Variants in TNFRSF8 observed in about 807,000 individuals in gnomAD.
TNFRSF8 encodes the protein tumor necrosis factor receptor superfamily member 8.
TNFRSF8 carries 26 observed loss-of-function variants against 70.8 expected under a neutral mutation model. The observed-to-expected ratio is 0.37, with a 90% CI of 0.27 to 0.51. The LOEUF (loss-of-function observed/expected upper bound fraction) is 0.51, where lower values mean the gene tolerates loss of function less well. TNFRSF8 is among the 20% of genes least tolerant of loss of function. The pLI is 0.94. For missense variants in TNFRSF8, 720 were observed against 807.9 expected (o/e 0.89, Z 1.32); for synonymous variants, 356 against 339.2 (o/e 1.05, Z -0.54).
At chr1:12,098,564 G>GATA in intron 3 of TNFRSF8, among the ~76,000 whole-genome samples, 1 of 152,108 alleles carries the variant, frequency 6.6e-6, no homozygotes, top group East Asian at 1.9e-4. Flanking sequence ...GCATTAAAAT[G>GATA]ATAATATTTA....
intron 12 of TNFRSF8, among the ~76,000 whole-genome samples, chr1:12,135,129 C>T (rs893526129): frequency 4.0e-5 from 6 of 151,834 alleles, no homozygotes; most frequent in South Asian, 4.2e-4. Flanking sequence ...GCCTGGCCAA[C>T]GTGGTGAAAC....
intron 1 of TNFRSF8, among the ~76,000 whole-genome samples, chr1:12,064,045 T>G (rs1027067890): frequency 6.6e-6 from 1 of 152,106 alleles, no homozygotes; most frequent in Non-Finnish European, 1.5e-5. Context: ...CCCTTAGCCA[T>G]GGGAGGTTGG....
chr1:12,132,709 G>A (rs937284992), intron 12 of TNFRSF8, among the ~76,000 whole-genome samples: 4 of 151,814 alleles, frequency 2.6e-5, no homozygotes, highest in Admixed American at 1.3e-4. Flanking sequence ...GTCATGACAC[G>A]CACCTGTAGT....
Position 12,142,367 on chromosome 1 carries a change from G to A in TNFRSF8, c.1624G>A (p.Gly542Arg). ...GCTGCCGGAGGGCCGGGGCCTGGCG[G>A]GGCCAGCAGAGCCCGAGTTGGAGGA... ...AELPEGRGLA[G>R]PAEPELEEEL... The change falls in exon 15 of 15, where the codon GGG becomes AGG. Residue 542 changes from glycine (G) to arginine (R), a missense_variant. Transcript: ENST00000263932. This position sits in a 1 kb window ranked among gnomAD's most constrained non-coding sequence, Gnocchi z 5.0. 6.2e-7 allele frequency: 1 copy of A among 1,610,438 alleles called. No individual in the cohort carries two copies. Among genetic ancestry groups the A allele is most frequent in the Non-Finnish European group, 8.5e-7 (1 of 1,178,730 alleles).
chr1:12,133,505 G>A (rs539084869), intron 12 of TNFRSF8, among the ~76,000 whole-genome samples: 9 of 152,112 alleles, frequency 5.9e-5, no homozygotes, highest in Middle Eastern at 6.8e-3. Context: ...ACTTTGGGAG[G>A]CCGAGGCGGG....
At chr1:12,133,609 G>A (rs1329149018) in intron 12 of TNFRSF8, among the ~76,000 whole-genome samples, 1 of 151,330 alleles carries the variant, frequency 6.6e-6, no homozygotes, top group Admixed American at 6.6e-5. Context: ...GCATGGTGGT[G>A]CGTGCCTGTA....
rs900604143 is a variant in TNFRSF8 at position 12,079,047 on chromosome 1, C to T, written c.64-5417C>T. Among the ~76,000 whole-genome samples the T allele has an allele frequency of 1.1e-4, 16 of 152,306 alleles. No individual in the cohort carries two copies. In the East Asian group the frequency reaches 3.1e-3, roughly 29 times the overall value. ...AGACAGGGAGGGGAGGGGTGCTTAC[C>T]TCGCTGGCCCTGCTCAGCTCTGGCC... On this transcript the variant is annotated intron_variant, in intron 1 of 14. Coordinates refer to ENST00000263932, the MANE Select transcript of TNFRSF8 (RefSeq NM_001243.5).
intron 14 of TNFRSF8, among the ~76,000 whole-genome samples, chr1:12,139,055 T>C (rs1294851448): frequency 6.6e-6 from 1 of 152,248 alleles, no homozygotes; most frequent in Non-Finnish European, 1.5e-5. Context: ...GCTGCCAGCC[T>C]GGACAGACAT....
At chr1:12,091,587 C>T (rs1641248773) in intron 2 of TNFRSF8, among the ~76,000 whole-genome samples, 1 of 152,088 alleles carries the variant, frequency 6.6e-6, no homozygotes, top group Non-Finnish European at 1.5e-5. Flanking sequence ...AGGAAAGTTC[C>T]ATGAGAAGAT....
In TNFRSF8 at chr1:12,107,943, G is replaced by A. The variant is rs538531064; in HGVS notation, c.422-1623G>A. ...CGGAGATGGGAGGTAAATTGCCCGC[G>A]GAGACAGAGCAGGAAATGTCTAAGC... is the stretch of plus-strand genomic sequence containing the variant. On this transcript the variant is annotated intron_variant, in intron 4 of 14. Coordinates refer to ENST00000263932, the MANE Select transcript of TNFRSF8 (RefSeq NM_001243.5). Among the ~76,000 whole-genome samples the A allele has an allele frequency of 9.9e-5, 15 of 152,122 alleles. No individual in the cohort carries two copies. In the South Asian group the frequency reaches 1.9e-3, roughly 19 times the overall value.
chr1:12,124,298 T>C (rs1173327547), intron 10 of TNFRSF8, among the ~76,000 whole-genome samples: 1 of 152,134 alleles, frequency 6.6e-6, no homozygotes, highest in East Asian at 1.9e-4. Flanking sequence ...TGTGAACCAC[T>C]GCGCCTGGCT....
At chr1:12,120,844 A>G (rs1233763736) in intron 8 of TNFRSF8, among the ~76,000 whole-genome samples, 1 of 152,134 alleles carries the variant, frequency 6.6e-6, no homozygotes, top group Admixed American at 6.6e-5. Flanking sequence ...GGAAAGTTAC[A>G]AGTTAGGTAT....
At chr1:12,083,366 A>T (rs991845551) in intron 1 of TNFRSF8, among the ~76,000 whole-genome samples, 2 of 152,190 alleles carry the variant, frequency 1.3e-5, no homozygotes, top group Non-Finnish European at 2.9e-5. Context: ...TCCCAGCAGC[A>T]CTATCATAAT....
chr1:12,126,583 C>T (rs950880690), intron 12 of TNFRSF8, among the ~76,000 whole-genome samples: 1 of 152,196 alleles, frequency 6.6e-6, no homozygotes, highest in African/African-American at 2.4e-5. Context: ...TTCCTCTCTA[C>T]ATTCTACCCT....
At chr1:12,069,628 G>A (rs1640808240) in intron 1 of TNFRSF8, among the ~76,000 whole-genome samples, 1 of 152,178 alleles carries the variant, frequency 6.6e-6, no homozygotes, top group African/African-American at 2.4e-5. Flanking sequence ...TGAGCTCAAG[G>A]CTCCTCATCT....
chr1:12,116,968 C>T (rs1390441492), intron 8 of TNFRSF8, among the ~76,000 whole-genome samples: 3 of 152,002 alleles, frequency 2.0e-5, no homozygotes, highest in Admixed American at 1.3e-4. Context: ...GGTGTAGTGG[C>T]CTGGGACTAC....
chr1:12,089,143 C>T (rs1641203860), intron 2 of TNFRSF8, among the ~76,000 whole-genome samples: 1 of 152,096 alleles, frequency 6.6e-6, no homozygotes, highest in Non-Finnish European at 1.5e-5. Flanking sequence ...GAGGGATGGC[C>T]CTCCCTGACC....
intron 3 of TNFRSF8, among the ~76,000 whole-genome samples, chr1:12,103,078 T>C (rs1641451827): frequency 6.6e-6 from 1 of 152,106 alleles, no homozygotes; most frequent in South Asian, 2.1e-4. Context: ...AATAAACTAT[T>C]TCTGGCTGGG....
intron 12 of TNFRSF8, among the ~76,000 whole-genome samples, chr1:12,132,338 C>T (rs1335055617): frequency 3.3e-5 from 5 of 152,254 alleles, no homozygotes; most frequent in Admixed American, 2.0e-4. Flanking sequence ...GTCATCATGT[C>T]GCCTTAGGCT....
Sources: allele counts gnomAD v4.1 joint callset (sites outside exome capture counted in the v4.1 genomes callset), GRCh38; gene constraint gnomAD v4.1.1; non-coding constraint Gnocchi (gnomAD v3.1); transcripts MANE v1.5; gene names NCBI Gene and HGNC (gene_info 2026-07-23, HGNC 2026-07-21).